SCAPER: variants seen among roughly 807,000 people sequenced by gnomAD.
SCAPER encodes the protein S-phase cyclin A associated protein in the ER, also known as S phase cyclin A-associated protein in the endoplasmic reticulum.
A neutral mutation model predicts 182.2 loss-of-function variants in SCAPER; 98 were observed. The observed-to-expected ratio is 0.54, with a 90% CI of 0.46 to 0.64. The LOEUF (loss-of-function observed/expected upper bound fraction) is 0.64. SCAPER is among the 30% of genes least tolerant of loss of function. The probability of loss-of-function intolerance (pLI) is 0.00; values close to 1 mark genes in which losing one functional copy is unlikely to be tolerated. For missense variants in SCAPER, 1,432 were observed against 1,690.0 expected (o/e 0.85, Z 2.68); for synonymous variants, 605 against 564.6 (o/e 1.07, Z -1.01).
intron 2 of SCAPER, among the ~76,000 whole-genome samples, chr15:76,865,599 G>C (rs913464596): frequency 6.6e-6 from 1 of 152,116 alleles, no homozygotes; most frequent in East Asian, 1.9e-4. Flanking sequence ...GGATGATCCA[G>C]TACAGAGACA....
intron 1 of SCAPER, among the ~76,000 whole-genome samples, chr15:76,903,729 T>A (rs1246018489): frequency 6.6e-6 from 1 of 152,208 alleles, no homozygotes; most frequent in East Asian, 1.9e-4. Context: ...ATATTTTTAA[T>A]GCAGCTCAAG....
At chr15:76,555,827 G>A (rs2046153551) in intron 23 of SCAPER, among the ~76,000 whole-genome samples, 1 of 152,132 alleles carries the variant, frequency 6.6e-6, no homozygotes, top group Non-Finnish European at 1.5e-5. Flanking sequence ...AGATCATTGA[G>A]GCAAAGAACT....
At chr15:76,701,620 A>G (rs1250457631) in intron 20 of SCAPER, 138 bp downstream of exon 20, 3 of 626,504 alleles carry the variant, frequency 4.8e-6, no homozygotes, top group African/African-American at 1.8e-5. Context: ...TTTGTACACT[A>G]TATTGTAGTA....
At chr15:76,753,231 T>G (rs890003093) in intron 15 of SCAPER, among the ~76,000 whole-genome samples, 3 of 151,844 alleles carry the variant, frequency 2.0e-5, no homozygotes, top group Non-Finnish European at 4.4e-5. Flanking sequence ...CATCAACAAG[T>G]GACTGGGTTA....
intron 2 of SCAPER, among the ~76,000 whole-genome samples, chr15:76,874,106 C>A (rs1212822362): frequency 6.6e-6 from 1 of 152,102 alleles, no homozygotes; most frequent in East Asian, 1.9e-4. Flanking sequence ...GTTGGGCAGG[C>A]TGGTCTTGAA....
intron 5 of SCAPER, among the ~76,000 whole-genome samples, chr15:76,821,980 G>T (rs960277601): frequency 2.6e-5 from 4 of 152,184 alleles, no homozygotes; most frequent in Non-Finnish European, 4.4e-5. Flanking sequence ...AAAGATCAGT[G>T]GCTGCTGGGG....
At chr15:76,794,128 C>T (rs1384431458) in intron 8 of SCAPER, among the ~76,000 whole-genome samples, 3 of 152,070 alleles carry the variant, frequency 2.0e-5, no homozygotes, top group East Asian at 1.9e-4. Context: ...GCACTGAAAC[C>T]CCAAAACTGA....
intron 26 of SCAPER, among the ~76,000 whole-genome samples, chr15:76,410,532 A>G (rs972881998): frequency 6.6e-6 from 1 of 152,248 alleles, no homozygotes; most frequent in Non-Finnish European, 1.5e-5. Flanking sequence ...CAGGTAGACA[A>G]GGCCCAAGGC....
At chr15:76,549,114 C>T (rs1188812109) in intron 23 of SCAPER, among the ~76,000 whole-genome samples, 1 of 152,086 alleles carries the variant, frequency 6.6e-6, no homozygotes, top group East Asian at 1.9e-4. Flanking sequence ...AACCAAACAA[C>T]CCCATCAAAA....
intron 17 of SCAPER, among the ~76,000 whole-genome samples, chr15:76,719,750 A>C (rs1252413895): frequency 6.6e-6 from 1 of 152,148 alleles, no homozygotes; most frequent in Non-Finnish European, 1.5e-5. Context: ...TTCCTTATAA[A>C]TAAGATGCCC....
chr15:76,640,096 G>C (rs1272674511), intron 21 of SCAPER, among the ~76,000 whole-genome samples: 1 of 152,154 alleles, frequency 6.6e-6, no homozygotes, highest in Non-Finnish European at 1.5e-5. Context: ...TAATGGGCTT[G>C]ATTGCTGTTA....
chr15:76,770,237 GA>G (rs1320168554), intron 10 of SCAPER, among the ~76,000 whole-genome samples: 1 of 151,586 alleles, frequency 6.6e-6, no homozygotes, highest in African/African-American at 2.4e-5. Context: ...ATAGCATTAG[GA>G]AAAATACCTA....
chr15:76,825,981 G>A (rs2067978532), intron 5 of SCAPER, among the ~76,000 whole-genome samples: 1 of 152,122 alleles, frequency 6.6e-6, no homozygotes, highest in African/African-American at 2.4e-5. Context: ...CTGACCTTAG[G>A]TGATCCACCC....
At chr15:76,677,562 C>A (rs1451488388) in intron 20 of SCAPER, among the ~76,000 whole-genome samples, 1 of 151,698 alleles carries the variant, frequency 6.6e-6, no homozygotes, top group Non-Finnish European at 1.5e-5. Flanking sequence ...GCTAATTCCA[C>A]ACACACAATA....
chr15:76,674,697 A>T (rs936316302), intron 20 of SCAPER, among the ~76,000 whole-genome samples: 6 of 152,070 alleles, frequency 3.9e-5, no homozygotes, highest in Admixed American at 2.6e-4. Context: ...CTGAAAACCT[A>T]CTCTGCTTAC....
intron 26 of SCAPER, among the ~76,000 whole-genome samples, chr15:76,433,098 A>G (rs2046971944): frequency 6.6e-6 from 1 of 152,246 alleles, no homozygotes; most frequent in Admixed American, 6.5e-5. Context: ...AACCTAATTT[A>G]TAACCAGAGA....
intron 17 of SCAPER, among the ~76,000 whole-genome samples, chr15:76,711,501 G>A (rs2150875003): frequency 6.6e-6 from 1 of 152,234 alleles, no homozygotes; most frequent in Non-Finnish European, 1.5e-5. Flanking sequence ...GAAAGAACTT[G>A]TATATTTAAA....
chr15:76,398,327 T>C, intron 27 of SCAPER, among the ~76,000 whole-genome samples: 1 of 152,242 alleles, frequency 6.6e-6, no homozygotes, highest in Non-Finnish European at 1.5e-5. Context: ...TGTTATCTTC[T>C]GTCCTCTTGA....
intron 21 of SCAPER, among the ~76,000 whole-genome samples, chr15:76,644,049 T>C (rs2054332975): frequency 6.6e-6 from 1 of 152,184 alleles, no homozygotes; most frequent in South Asian, 2.1e-4. Flanking sequence ...CAAAGAATAA[T>C]TAGTATTCTT....
Sources: allele counts gnomAD v4.1 joint callset (sites outside exome capture counted in the v4.1 genomes callset), GRCh38; gene constraint gnomAD v4.1.1; transcripts MANE v1.5; gene names NCBI Gene and HGNC (gene_info 2026-07-23, HGNC 2026-07-21).